Variants in APOBEC2 observed in about 807,000 individuals in gnomAD.
APOBEC2 encodes apolipoprotein B mRNA editing enzyme catalytic subunit 2.
A neutral mutation model predicts 19.4 loss-of-function variants in APOBEC2; 14 were observed. That is an observed-to-expected ratio of 0.72 (90% CI 0.48 to 1.13). APOBEC2 has a LOEUF of 1.13. Ranked by LOEUF, APOBEC2 falls within the 50% of genes most tolerant of loss-of-function variation. The pLI is 0.00. For missense variants in APOBEC2, 304 were observed against 277.0 expected (o/e 1.10, Z -0.69); for synonymous variants, 127 against 112.1 (o/e 1.13, Z -0.84).
At chr6:41,058,935 A>C (rs1762838244) in intron 1 of APOBEC2, among the ~76,000 whole-genome samples, 1 of 152,152 alleles carries the variant, frequency 6.6e-6, no homozygotes, top group Admixed American at 6.5e-5. Flanking sequence ...GACAGAGTAG[A>C]TTCTAGGGCT....
intron 1 of APOBEC2, among the ~76,000 whole-genome samples, chr6:41,059,332 TC>T (rs1235287619): frequency 2.0e-5 from 3 of 152,050 alleles, no homozygotes; most frequent in African/African-American, 7.2e-5. Flanking sequence ...GGGCAAAAGG[TC>T]TTGAAGAGCA....
intron 1 of APOBEC2, among the ~76,000 whole-genome samples, chr6:41,058,401 ACACACACACACACACACACACACACT>A (rs1412168124): frequency 7.8e-5 from 4 of 51,076 alleles, no homozygotes; most frequent in Non-Finnish European, 1.5e-4. Context: ...CCACCCCACC[ACACACACACACACACACACACACACT>A]CACACACACA....
intron 1 of APOBEC2, 147 bp from the exon 2 acceptor site, chr6:41,061,178 TGTC>T: frequency 8.6e-6 from 2 of 231,544 alleles, no homozygotes; most frequent in Admixed American, 7.3e-5. Flanking sequence ...TTTTTTTTTT[TGTC>T]ACTGATGTTA....
In APOBEC2 at chr6:41,061,346, C is replaced by G. The variant is rs139783430; in HGVS notation, c.150C>G (p.Asn50Lys). ...CCTACAGAGAACGGCTGCCTGCCAA[C>G]TTCTTTAAATTCCAGTTCCGGAATG... ...EIVTGERLPA[N>K]FFKFQFRNVE... Residue 50 changes from asparagine (N) to lysine (K), a missense_variant, in exon 2 of 3, where the codon AAC (asparagine) becomes AAG (lysine). Transcript: ENST00000244669. The G allele has an allele frequency of 4.7e-4, 720 of 1,529,404 alleles. No homozygotes were observed. The highest frequency in any genetic ancestry group is 6.1e-4 in the Non-Finnish European group (696 of 1,139,710). 94.7% of individuals were successfully genotyped at this position (1,529,404 alleles called of 1,614,324 possible).
chr6:41,062,400 T>G (rs769928629), intron 2 of APOBEC2, among the ~76,000 whole-genome samples: 2 of 152,234 alleles, frequency 1.3e-5, no homozygotes, highest in African/African-American at 2.4e-5. Flanking sequence ...ATTTTGAAAT[T>G]CCCCAAATGG....
In APOBEC2 at chr6:41,061,683, C is replaced by A; in HGVS notation, c.487C>A (p.Gln163Lys). ...CTTCATGTGGGAGGAGCCGGAGATC[C>A]AGGCTGCTCTGAAGAAGCTGAAGGA... is the stretch of plus-strand genomic sequence containing the variant. ...RLFMWEEPEIQAALKKLKEAG... is the reference protein window; with the variant it reads ...RLFMWEEPEIKAALKKLKEAG... The change falls in exon 2 of 3, where the codon CAG (glutamine) becomes AAG (lysine). Residue 163 changes from glutamine to lysine, a missense_variant. Transcript: ENST00000244669. 6.2e-7 allele frequency: 1 copy of A among 1,614,226 alleles called. No individual in the cohort carries two copies. The highest frequency in any genetic ancestry group is 8.5e-7 in the Non-Finnish European group (1 of 1,180,040).
chr6:41,063,141 C>A (rs1404939891), intron 2 of APOBEC2, among the ~76,000 whole-genome samples: 2 of 152,282 alleles, frequency 1.3e-5, no homozygotes, highest in East Asian at 3.9e-4. Context: ...ATTAGACATG[C>A]ACATGGGCAC....
intron 2 of APOBEC2, among the ~76,000 whole-genome samples, chr6:41,062,670 T>A (rs567984131): frequency 6.6e-6 from 1 of 152,260 alleles, no homozygotes; most frequent in East Asian, 1.9e-4. Context: ...AGTAACCTCT[T>A]ACAGATATCA....
In APOBEC2 at chr6:41,061,433, G is replaced by T; in HGVS notation, c.237G>T (p.Lys79Asn). The T allele has an allele frequency of 1.9e-6, 3 of 1,612,754 alleles. No homozygotes were observed. The South Asian group carries it at 3.3e-5, about 18-fold the overall frequency. ...FLCYVVEAQGKGGQVQASRGY... is the reference protein window; with the variant it reads ...FLCYVVEAQGNGGQVQASRGY... Reference sequence around the variant, plus strand: ...GCTATGTGGTTGAAGCACAGGGCAAGGGGGGCCAAGTGCAGGCATCTCGGG... The same window carrying T: ...GCTATGTGGTTGAAGCACAGGGCAATGGGGGCCAAGTGCAGGCATCTCGGG... Residue 79 changes from lysine to asparagine, a missense_variant, in exon 2 of 3, where the codon AAG becomes AAT. Physicochemically the swap from Lys to Asn is moderately conservative, Grantham distance 94 (BLOSUM62 0). Coordinates refer to ENST00000244669, the MANE Select transcript of APOBEC2 (RefSeq NM_006789.4).
chr6:41,054,042 C>T (rs1344844750), intron 1 of APOBEC2, among the ~76,000 whole-genome samples: 1 of 152,178 alleles, frequency 6.6e-6, no homozygotes, highest in African/African-American at 2.4e-5. Flanking sequence ...TCCTCAGGGG[C>T]TGTCCCACAG....
chr6:41,060,293 T>C (rs1762855054), intron 1 of APOBEC2, among the ~76,000 whole-genome samples: 1 of 152,238 alleles, frequency 6.6e-6, no homozygotes, highest in Non-Finnish European at 1.5e-5. Context: ...TTGAGGCTTT[T>C]CCTCAGCTTC....
rs150558136 is a variant in APOBEC2, at chr6:41,061,842, G to C, written c.646G>C (p.Glu216Gln). The C allele has an allele frequency of 6.2e-7, 1 of 1,613,600 alleles. No homozygotes were observed. Among genetic ancestry groups the C allele is most frequent in the Non-Finnish European group, 8.5e-7 (1 of 1,179,660 alleles). ...EDIQENFLYY[E>Q]EKLADILK is the part of the protein sequence containing the mutation. ...CATTCAGGAGAACTTCCTATACTAC[G>C]AGGAGAAGTTGGCAGACATCCTGAA... The change falls in exon 2 of 3, where the codon GAG (glutamate) becomes CAG (glutamine). Residue 216 changes from glutamate to glutamine, a missense_variant. Glu to Gln is a conservative substitution (Grantham distance 29). Transcript: ENST00000244669.
chr6:41,061,204 C>G, intron 1 of APOBEC2, 124 bp from the exon 2 acceptor site: 1 of 397,174 alleles, frequency 2.5e-6, no homozygotes, highest in Non-Finnish European at 4.2e-6. Flanking sequence ...ACAGACAAGA[C>G]CTATTTATAG....
Position 41,061,773 on chromosome 6 carries a change from G to A in APOBEC2, c.577G>A (p.Glu193Lys). The stretch of plus-strand genomic sequence containing the variant: ...CGAATATGTCTGGCAGAATTTTGTG[G>A]AGCAAGAAGAGGGTGAATCCAAGGC... ...DFEYVWQNFVEQEEGESKAFQ... is the reference protein window; with the variant it reads ...DFEYVWQNFVKQEEGESKAFQ... Residue 193 changes from glutamate (E) to lysine (K), a missense_variant, in exon 2 of 3, where the codon GAG (glutamate) becomes AAG (lysine). Coordinates refer to ENST00000244669, the MANE Select transcript of APOBEC2 (RefSeq NM_006789.4). 2 of 1,614,218 alleles carry A rather than the reference G, an allele frequency of 1.2e-6. No individual in the cohort carries two copies. The highest frequency in any genetic ancestry group is 1.3e-5 in the African/African-American group (1 of 75,056).
intron 1 of APOBEC2, among the ~76,000 whole-genome samples, chr6:41,058,696 C>A (rs1762834023): frequency 6.6e-6 from 1 of 152,188 alleles, no homozygotes; most frequent in African/African-American, 2.4e-5. Context: ...CTCTGTTCTC[C>A]TGGTTTCCCC....
At chr6:41,063,663 T>TTAA in intron 2 of APOBEC2, among the ~76,000 whole-genome samples, 1 of 141,538 alleles carries the variant, frequency 7.1e-6, no homozygotes, top group East Asian at 2.0e-4. Flanking sequence ...TATATCAAGT[T>TTAA]AAAAAAAAAA....
chr6:41,060,424 C>A (rs1198166394), intron 1 of APOBEC2, among the ~76,000 whole-genome samples: 1 of 152,212 alleles, frequency 6.6e-6, no homozygotes, highest in Non-Finnish European at 1.5e-5. Context: ...CTTTCGAGAA[C>A]CTTCATAATA....
At chr6:41,054,566 C>G (rs943201503) in intron 1 of APOBEC2, among the ~76,000 whole-genome samples, 1 of 152,198 alleles carries the variant, frequency 6.6e-6, no homozygotes, top group African/African-American at 2.4e-5. Flanking sequence ...AAGGTCCCTT[C>G]CAGCTCAGAT....
intron 1 of APOBEC2, among the ~76,000 whole-genome samples, chr6:41,060,779 TACAAGGAAGAGAAAAA>T (rs1762860076): frequency 6.6e-6 from 1 of 152,252 alleles, no homozygotes; most frequent in South Asian, 2.1e-4. Flanking sequence ...TTACATGAGT[TACAAGGAAGAGAAAAA>T]AGCATAAAAT....
Sources: allele counts gnomAD v4.1 joint callset (sites outside exome capture counted in the v4.1 genomes callset), GRCh38; gene constraint gnomAD v4.1.1; transcripts MANE v1.5; gene names NCBI Gene and HGNC (gene_info 2026-07-23, HGNC 2026-07-21).